KLF12: variants seen among roughly 807,000 people sequenced by gnomAD.
The protein encoded by KLF12 is Krueppel-like factor 12.
KLF12 carries 9 observed loss-of-function variants against 37.8 expected under a neutral mutation model. The ratio of observed to expected loss-of-function variants is 0.24; its 90% CI spans 0.14 to 0.42. The LOEUF is 0.42. Among genes scored for constraint, KLF12 ranks in the 10% least tolerant of loss-of-function variants. The pLI is 1.00. For missense variants in KLF12, 411 were observed against 516.0 expected (o/e 0.80, Z 1.97); for synonymous variants, 208 against 202.1 (o/e 1.03, Z -0.25).
In KLF12 at chr13:73,841,777, G is replaced by A. The variant is rs113445750; in HGVS notation, c.670+4050C>T. Among the ~76,000 whole-genome samples the A allele has an allele frequency of 2.1e-3, 313 of 152,204 alleles. 1 individual carries two copies. The highest frequency in any genetic ancestry group is 6.7e-3 in the African/African-American group (278 of 41,532). On this transcript the variant is annotated intron_variant, in intron 4 of 7. Coordinates refer to ENST00000377669, the MANE Select transcript of KLF12 (RefSeq NM_007249.5). ...AATAACAAAACTCTCCTCTCTATGT[G>A]GGAACCCCGCACCTCCCAGTACCAC...
intron 3 of KLF12, among the ~76,000 whole-genome samples, chr13:73,899,032 A>T (rs1887917290): frequency 6.6e-6 from 1 of 152,224 alleles, no homozygotes; most frequent in Non-Finnish European, 1.5e-5. Context: ...CAGTGGAGGA[A>T]GATGGGGTAA....
chr13:73,974,884 A>G (rs1262644362), intron 2 of KLF12, among the ~76,000 whole-genome samples: 1 of 152,212 alleles, frequency 6.6e-6, no homozygotes, highest in East Asian at 1.9e-4. Context: ...CTGTTTGTTT[A>G]GTAGATAAAC....
chr13:74,245,356 G>C, the KLF12 span, among the ~76,000 whole-genome samples: 1 of 151,320 alleles, frequency 6.6e-6, no homozygotes, highest in Non-Finnish European at 1.5e-5. Context: ...ACAACATTTT[G>C]GTATTAAAAG....
At chr13:74,179,713 T>G in the KLF12 span, among the ~76,000 whole-genome samples, 1 of 152,188 alleles carries the variant, frequency 6.6e-6, no homozygotes, top group Non-Finnish European at 1.5e-5. Context: ...CACTGCAGAA[T>G]AGTGTACTCC....
At chr13:74,132,892 G>GTAGGGGAGCATCTAACGTGAACACCAAC (rs1878339530) in intron 1 of KLF12, among the ~76,000 whole-genome samples, 1 of 152,154 alleles carries the variant, frequency 6.6e-6, no homozygotes, top group Admixed American at 6.5e-5. Context: ...GATTCTCCCC[G>GTAGGGGAGCATCTAACGTGAACACCAAC]TAGGGGAGCA....
At chr13:74,260,562 A>G in the KLF12 span, among the ~76,000 whole-genome samples, 2 of 91,892 alleles carry the variant, frequency 2.2e-5, no homozygotes, top group Non-Finnish European at 3.9e-5. Context: ...TCTAAAATAA[A>G]ATAAAATAAA....
the KLF12 span, among the ~76,000 whole-genome samples, chr13:74,153,676 T>C: frequency 6.6e-6 from 1 of 152,182 alleles, no homozygotes; most frequent in East Asian, 1.9e-4. Context: ...TAACAGCATT[T>C]GGTTTGTTAG....
intron 7 of KLF12, among the ~76,000 whole-genome samples, chr13:73,704,228 G>T (rs1423467649): frequency 6.6e-6 from 1 of 152,172 alleles, no homozygotes; most frequent in Non-Finnish European, 1.5e-5. Flanking sequence ...CTCCTAAGCA[G>T]CTATACCTCA....
the KLF12 span, among the ~76,000 whole-genome samples, chr13:74,177,544 T>A: frequency 6.6e-6 from 1 of 152,228 alleles, no homozygotes; most frequent in African/African-American, 2.4e-5. Flanking sequence ...TACATGAAAT[T>A]TAAGGCTTTT....
At chr13:74,118,647 T>C (rs1444714510) in intron 1 of KLF12, among the ~76,000 whole-genome samples, 1 of 152,200 alleles carries the variant, frequency 6.6e-6, no homozygotes, top group African/African-American at 2.4e-5. Flanking sequence ...TATTAAATTA[T>C]GGTCAAAAAG....
the KLF12 span, among the ~76,000 whole-genome samples, chr13:74,203,781 A>G: frequency 1.3e-5 from 2 of 152,196 alleles, no homozygotes; most frequent in African/African-American, 4.8e-5. Flanking sequence ...CAGGTTACAG[A>G]GACAGAGAGC....
chr13:73,738,104 T>TATATACACACACATATATGTATGTGTAC (rs1877620280), intron 6 of KLF12, among the ~76,000 whole-genome samples: 1 of 103,580 alleles, frequency 9.7e-6, no homozygotes, highest in African/African-American at 4.3e-5. Flanking sequence ...TATATATATA[T>TATATACACACACATATATGTATGTGTAC]ATATATATAT....
chr13:73,842,343 A>G (rs1884779742), intron 4 of KLF12, among the ~76,000 whole-genome samples: 1 of 152,162 alleles, frequency 6.6e-6, no homozygotes, highest in Admixed American at 6.5e-5. Context: ...TTTTAGTCCA[A>G]CTCTGTCCAC....
chr13:73,797,275 C>T (rs1255041517), intron 5 of KLF12, among the ~76,000 whole-genome samples: 1 of 152,204 alleles, frequency 6.6e-6, no homozygotes, highest in Non-Finnish European at 1.5e-5. Flanking sequence ...CAGAAGAGCT[C>T]CACTTGGATG....
intron 3 of KLF12, among the ~76,000 whole-genome samples, chr13:73,931,114 T>C (rs578202476): frequency 8.3e-4 from 126 of 152,224 alleles, no homozygotes; most frequent in Non-Finnish European, 1.4e-3. Context: ...CGCCTCGGCC[T>C]CCCAAAGTGC....
intron 5 of KLF12, among the ~76,000 whole-genome samples, chr13:73,765,373 T>C (rs1344173220): frequency 6.6e-6 from 1 of 152,164 alleles, no homozygotes; most frequent in African/African-American, 2.4e-5. Flanking sequence ...TTTGTACCTG[T>C]TCCCATGAGG....
intron 3 of KLF12, among the ~76,000 whole-genome samples, chr13:73,906,720 T>C (rs1888317956): frequency 6.6e-6 from 1 of 152,160 alleles, no homozygotes; most frequent in Non-Finnish European, 1.5e-5. Context: ...CCTCATCAAG[T>C]TGGTGAAAAA....
intron 3 of KLF12, among the ~76,000 whole-genome samples, chr13:73,936,420 G>C (rs779409826): frequency 1.3e-5 from 2 of 152,044 alleles, no homozygotes; most frequent in African/African-American, 4.8e-5. Context: ...CCTGATTTCT[G>C]TCAGCTTTAT....
At chr13:74,282,042 A>G in the KLF12 span, among the ~76,000 whole-genome samples, 2 of 152,164 alleles carry the variant, frequency 1.3e-5, no homozygotes, top group African/African-American at 4.8e-5. Context: ...AGTCAACCTT[A>G]GTAAGGTCAG....
Sources: gnomAD v4.1 joint callset for allele counts (sites outside exome capture counted in the v4.1 genomes callset) on GRCh38, gnomAD v4.1.1 for gene constraint, MANE v1.5 for transcripts, NCBI Gene and HGNC (gene_info 2026-07-23, HGNC 2026-07-21) for gene names.